Variants in SLC9A7 observed in about 807,000 individuals in gnomAD.
SLC9A7 encodes solute carrier family 9 member A7.
In SLC9A7, 19 loss-of-function variants were observed where a neutral mutation model predicts 52.6. That is an observed-to-expected ratio of 0.36 (90% CI 0.25 to 0.53). The LOEUF (loss-of-function observed/expected upper bound fraction) is 0.53. SLC9A7 is among the 20% of genes least tolerant of loss of function. SLC9A7 has a pLI of 0.91. For synonymous variants in SLC9A7, 226 were observed against 252.1 expected, an observed-to-expected ratio of 0.90 and a Z score of 0.98; for missense variants, 455 against 597.9, an observed-to-expected ratio of 0.76 and a Z score of 2.49.
At chrX:46,687,349 C>G (rs1021172495) in intron 1 of SLC9A7, among the ~76,000 whole-genome samples, 1 of 112,023 alleles carries the variant, frequency 8.9e-6, no homozygotes, top group African/African-American at 3.2e-5. Flanking sequence ...GAGTTTTTTA[C>G]AGCACAGTAG....
chrX:46,635,941 G>A (rs1451556714), intron 12 of SLC9A7, among the ~76,000 whole-genome samples: 1 of 111,507 alleles, frequency 9.0e-6, no homozygotes, highest in Non-Finnish European at 1.9e-5. Context: ...ACACCTCATA[G>A]AAAACAAATT....
intron 1 of SLC9A7, among the ~76,000 whole-genome samples, chrX:46,682,960 A>ATTTTTT (rs1169630244): frequency 2.9e-3 from 190 of 64,861 alleles, no homozygotes; most frequent in Non-Finnish European, 4.0e-3. Context: ...CACCCGGCTA[A>ATTTTTT]TTTTTTTTTT....
intron 8 of SLC9A7, 132 bp from the exon 9 acceptor site, chrX:46,651,536 C>T: frequency 4.1e-6 from 2 of 493,120 alleles, no homozygotes; most frequent in Non-Finnish European, 6.7e-6. Context: ...TTGAAACTTT[C>T]CTATTGCTGG....
At chrX:46,625,952 A>G (rs1461824781) in intron 14 of SLC9A7, among the ~76,000 whole-genome samples, 2 of 111,427 alleles carry the variant, frequency 1.8e-5, no homozygotes, top group African/African-American at 6.5e-5. Flanking sequence ...AAAAACTTGA[A>G]GCAGAGAAAC....
intron 1 of SLC9A7, among the ~76,000 whole-genome samples, chrX:46,754,040 G>A (rs1422866850): frequency 9.1e-6 from 1 of 109,767 alleles, no homozygotes; most frequent in East Asian, 2.8e-4. Flanking sequence ...TAGGTGTGTT[G>A]TAAATTTTTT....
intron 11 of SLC9A7, among the ~76,000 whole-genome samples, chrX:46,645,948 C>T (rs550536688): frequency 8.9e-6 from 1 of 112,049 alleles, no homozygotes; most frequent in East Asian, 2.8e-4. Flanking sequence ...CTAGAAACTC[C>T]ACAAGGACTT....
intron 1 of SLC9A7, among the ~76,000 whole-genome samples, chrX:46,700,277 G>A (rs962909679): frequency 1.8e-5 from 2 of 112,119 alleles, no homozygotes; most frequent in African/African-American, 3.2e-5. Flanking sequence ...CAAGGACAGT[G>A]TGCCTGTGGC....
At chrX:46,671,107 T>TA (rs1178340776) in intron 4 of SLC9A7, among the ~76,000 whole-genome samples, 2 of 112,205 alleles carry the variant, frequency 1.8e-5, no homozygotes, top group African/African-American at 6.5e-5. Context: ...AGCTAATTGT[T>TA]AAAAAATTAA....
rs766015493 is a variant in SLC9A7, at chrX:46,606,080, G to A, written c.*872C>T. ...TGAGGCAGGAGAATCACTTGAACCC[G>A]TGAGGCAGAGGTTGCAGTGAGCCAA... On this transcript the variant is annotated 3_prime_UTR_variant, in exon 17 of 17. Transcript: ENST00000616978. 215 of 155,491 alleles carry A rather than the reference G, an allele frequency of 1.4e-3. No individual in the cohort carries two copies. The highest frequency in any genetic ancestry group is 2.0e-3 in the Non-Finnish European group (189 of 94,040). The allele number at this position is 155,491 out of a possible 1,213,427, so 12.8% of individuals were successfully genotyped here.
intron 7 of SLC9A7, among the ~76,000 whole-genome samples, chrX:46,654,543 G>C (rs1428158281): frequency 9.0e-6 from 1 of 111,330 alleles, no homozygotes; most frequent in Non-Finnish European, 1.9e-5. Flanking sequence ...CCATGGTTCT[G>C]AGAGGCATGG....
At chrX:46,712,219 G>C (rs1290321053) in intron 1 of SLC9A7, among the ~76,000 whole-genome samples, 1 of 111,382 alleles carries the variant, frequency 9.0e-6, no homozygotes, top group East Asian at 2.8e-4. Flanking sequence ...CCTGAGACTG[G>C]GTAATTTATA....
At chrX:46,754,388 A>AG (rs1312855265) in intron 1 of SLC9A7, among the ~76,000 whole-genome samples, 2 of 112,020 alleles carry the variant, frequency 1.8e-5, no homozygotes, top group Non-Finnish European at 3.8e-5. Context: ...ATTTGAACCC[A>AG]GGGTTATCTG....
intron 1 of SLC9A7, among the ~76,000 whole-genome samples, chrX:46,689,592 CTTT>C (rs35933452): frequency 5.1e-5 from 5 of 98,616 alleles, no homozygotes; most frequent in East Asian, 3.1e-4. Flanking sequence ...GTAATTATGC[CTTT>C]TTTTTTTTTC....
intron 1 of SLC9A7, among the ~76,000 whole-genome samples, chrX:46,718,640 A>G (rs1160323389): frequency 2.7e-5 from 3 of 112,539 alleles, no homozygotes; most frequent in African/African-American, 9.7e-5. Context: ...GGTGAAGGAT[A>G]TGAACAGACA....
intron 1 of SLC9A7, among the ~76,000 whole-genome samples, chrX:46,746,601 C>A (rs944127568): frequency 8.9e-6 from 1 of 112,233 alleles, no homozygotes; most frequent in African/African-American, 3.2e-5. Flanking sequence ...TATCATCTCA[C>A]CCCAGTTAAA....
intron 16 of SLC9A7, among the ~76,000 whole-genome samples, chrX:46,610,329 C>T (rs774617021): frequency 2.5e-4 from 28 of 112,437 alleles, no homozygotes; most frequent in African/African-American, 7.4e-4. Flanking sequence ...AGTGGTTTAA[C>T]GTTAGTGGAA....
intron 1 of SLC9A7, among the ~76,000 whole-genome samples, chrX:46,731,370 T>C (rs757848572): frequency 9.6e-6 from 1 of 103,932 alleles, no homozygotes; most frequent in Non-Finnish European, 2.0e-5. Context: ...GGTGGGAGGA[T>C]CACTTGAGGC....
At chrX:46,720,536 T>C (rs1464025438) in intron 1 of SLC9A7, among the ~76,000 whole-genome samples, 2 of 110,053 alleles carry the variant, frequency 1.8e-5, no homozygotes, top group African/African-American at 6.6e-5. Flanking sequence ...AGTCACGCCA[T>C]GACCCTGCTT....
intron 3 of SLC9A7, among the ~76,000 whole-genome samples, chrX:46,673,580 C>G (rs778801947): frequency 8.9e-6 from 1 of 112,183 alleles, no homozygotes; most frequent in Non-Finnish European, 1.9e-5. Context: ...TCCCAACACT[C>G]TGATCAAACA....
Sources: gnomAD v4.1 joint callset for allele counts (sites outside exome capture counted in the v4.1 genomes callset) on GRCh38, gnomAD v4.1.1 for gene constraint, MANE v1.5 for transcripts, NCBI Gene and HGNC (gene_info 2026-07-23, HGNC 2026-07-21) for gene names.